MEI4: variants seen among roughly 807,000 people sequenced by gnomAD.
The protein encoded by MEI4 is meiotic double-stranded break formation protein 4.
MEI4 carries 27 observed loss-of-function variants against 31.4 expected under a neutral mutation model. The observed-to-expected ratio is 0.86, with a 90% CI of 0.63 to 1.19. MEI4 has a LOEUF of 1.19. Among genes scored for constraint, MEI4 ranks in the 50% most tolerant of loss-of-function variants. The pLI is 0.00. For missense variants in MEI4, 329 were observed against 398.9 expected, an observed-to-expected ratio of 0.82 and a Z score of 1.49; for synonymous variants, 122 against 145.4, an observed-to-expected ratio of 0.84 and a Z score of 1.16.
chr6:77,836,787 GAAGCCTGGCTCAGTCAGC>G (rs1477342540), intron 4 of MEI4, among the ~76,000 whole-genome samples: 2 of 151,982 alleles, frequency 1.3e-5, no homozygotes, highest in Admixed American at 1.3e-4. Context: ...TAAGATCTAC[GAAGCCTGGCTCAGTCAGC>G]AATCAATCCA....
intron 4 of MEI4, among the ~76,000 whole-genome samples, chr6:77,857,406 CT>C (rs1187284224): frequency 6.6e-6 from 1 of 152,124 alleles, no homozygotes; most frequent in Admixed American, 6.5e-5. Context: ...AGAATGATTT[CT>C]GTTGCTTTGA....
At chr6:77,918,799 T>C (rs1273940129) in intron 4 of MEI4, among the ~76,000 whole-genome samples, 11 of 151,920 alleles carry the variant, frequency 7.2e-5, no homozygotes, top group Non-Finnish European at 8.8e-5. Flanking sequence ...GAACTTCCAA[T>C]ACTATGTTGA....
intron 4 of MEI4, among the ~76,000 whole-genome samples, chr6:77,874,535 A>G (rs1771282471): frequency 1.3e-5 from 2 of 152,190 alleles, no homozygotes; most frequent in South Asian, 2.1e-4. Flanking sequence ...TAGATATACA[A>G]TCAAGTCATC....
At chr6:77,891,009 C>T (rs529206764) in intron 4 of MEI4, among the ~76,000 whole-genome samples, 2 of 152,266 alleles carry the variant, frequency 1.3e-5, no homozygotes, top group African/African-American at 2.4e-5. Context: ...AAGCTCAAGC[C>T]TTTCTTTATA....
intron 2 of MEI4, among the ~76,000 whole-genome samples, chr6:77,749,800 C>A (rs1392819491): frequency 1.3e-5 from 2 of 151,940 alleles, no homozygotes. Context: ...GAAGAGCAAC[C>A]CCAAGACACA....
chr6:77,791,677 A>AT (rs1007882087), intron 3 of MEI4, among the ~76,000 whole-genome samples: 4 of 129,052 alleles, frequency 3.1e-5, no homozygotes, highest in Non-Finnish European at 5.4e-5. Context: ...AACTTAAAGT[A>AT]TAAAAAAAAA....
intron 1 of MEI4, among the ~76,000 whole-genome samples, chr6:77,675,046 AATTT>A (rs1342017882): frequency 6.6e-6 from 1 of 151,576 alleles, no homozygotes; most frequent in African/African-American, 2.4e-5. Flanking sequence ...AATATACCTC[AATTT>A]ATTTAGTTGT....
At chr6:77,688,832 A>G (rs1769106142) in intron 1 of MEI4, among the ~76,000 whole-genome samples, 1 of 152,084 alleles carries the variant, frequency 6.6e-6, no homozygotes, top group South Asian at 2.1e-4. Flanking sequence ...TCCTGTGCAC[A>G]TAGGGTGCTT....
At chr6:77,692,889 C>T (rs997674085) in intron 2 of MEI4, among the ~76,000 whole-genome samples, 2 of 151,936 alleles carry the variant, frequency 1.3e-5, no homozygotes, top group Non-Finnish European at 2.9e-5. Flanking sequence ...ACTACAGACA[C>T]AGACTTAGGA....
chr6:77,844,222 T>A (rs1051665967), intron 4 of MEI4, among the ~76,000 whole-genome samples: 4 of 152,146 alleles, frequency 2.6e-5, no homozygotes, highest in African/African-American at 9.7e-5. Flanking sequence ...TGTCTTTCTC[T>A]TGTCACAGTC....
intron 3 of MEI4, 149 bp downstream of exon 3, chr6:77,761,814 T>C (rs1017208185): frequency 6.5e-6 from 3 of 458,382 alleles, no homozygotes; most frequent in Non-Finnish European, 1.1e-5. Context: ...CTCTTATCTG[T>C]CATGATGTCT....
At chr6:77,818,410 C>T (rs1769739202) in intron 3 of MEI4, among the ~76,000 whole-genome samples, 2 of 152,064 alleles carry the variant, frequency 1.3e-5, no homozygotes, top group South Asian at 4.1e-4. Context: ...TGAAATTTGC[C>T]TTTTCTAGTT....
intron 2 of MEI4, among the ~76,000 whole-genome samples, chr6:77,705,872 G>A (rs1439648011): frequency 6.6e-6 from 1 of 152,176 alleles, no homozygotes; most frequent in Non-Finnish European, 1.5e-5. Flanking sequence ...ACTGTTGAGA[G>A]ATGTGTGTGC....
chr6:77,664,184 A>G (rs1275125131), intron 1 of MEI4, among the ~76,000 whole-genome samples: 1 of 152,138 alleles, frequency 6.6e-6, no homozygotes, highest in Non-Finnish European at 1.5e-5. Context: ...GGTTAATTAA[A>G]TCCTGTTGTG....
intron 2 of MEI4, among the ~76,000 whole-genome samples, chr6:77,745,155 A>T (rs1767557910): frequency 6.6e-6 from 1 of 152,208 alleles, no homozygotes; most frequent in African/African-American, 2.4e-5. Flanking sequence ...AAATGCTCCA[A>T]TTAAAAGACA....
chr6:77,675,968 C>A (rs1373402728), intron 1 of MEI4, among the ~76,000 whole-genome samples: 1 of 152,138 alleles, frequency 6.6e-6, no homozygotes, highest in African/African-American at 2.4e-5. Flanking sequence ...TAAGTTTGAT[C>A]TTAGTTACAA....
chr6:77,749,067 G>C (rs1350578098), intron 2 of MEI4, among the ~76,000 whole-genome samples: 1 of 152,112 alleles, frequency 6.6e-6, no homozygotes, highest in Non-Finnish European at 1.5e-5. Context: ...GAAAGGAATA[G>C]TATCAACATC....
chr6:77,716,947 T>TA lies in MEI4; in HGVS notation c.232+26045dup, dbSNP rs1446102470. 2.0e-5 allele frequency: 14 copies of TA among 693,492 alleles called. No homozygotes were observed. In the Admixed American group the frequency reaches 7.6e-4, roughly 37 times the overall value. 43.0% of individuals were successfully genotyped at this position (693,492 alleles called of 1,614,324 possible). On this transcript the variant is annotated intron_variant, in intron 2 of 4. Transcript: ENST00000684080. Reference sequence around the variant, plus strand: ...CTTTGTTGAAAGAAGTAGCATATTGTAGGGGTGGGTTGCCCCTACACACCT... The same window carrying TA: ...CTTTGTTGAAAGAAGTAGCATATTGTAAGGGGTGGGTTGCCCCTACACACCT...
intron 2 of MEI4, among the ~76,000 whole-genome samples, chr6:77,710,627 C>G (rs1369850412): frequency 4.0e-5 from 6 of 148,936 alleles, no homozygotes; most frequent in Non-Finnish European, 3.0e-5. Context: ...AAAAGACTTT[C>G]TGAAACTCTT....
Sources: allele counts gnomAD v4.1 joint callset (sites outside exome capture counted in the v4.1 genomes callset), GRCh38; gene constraint gnomAD v4.1.1; transcripts MANE v1.5; gene names NCBI Gene and HGNC (gene_info 2026-07-23, HGNC 2026-07-21).